The following MTA3 variants were observed in gnomAD, a reference collection of about 807,000 sequenced individuals.
MTA3 encodes metastasis associated 1 family member 3.
MTA3 carries 34 observed loss-of-function variants against 83.5 expected under a neutral mutation model. The ratio of observed to expected loss-of-function variants is 0.41; its 90% CI spans 0.31 to 0.54. The LOEUF is 0.54. Among genes scored for constraint, MTA3 ranks in the 20% least tolerant of loss-of-function variants. MTA3 has a pLI of 0.33. For missense variants in MTA3, 761 were observed against 726.4 expected (o/e 1.05, Z -0.55); for synonymous variants, 303 against 252.7 (o/e 1.20, Z -1.89).
intron 2 of MTA3, among the ~76,000 whole-genome samples, chr2:42,519,409 C>A (rs1376277785): frequency 1.3e-5 from 2 of 152,150 alleles, no homozygotes; most frequent in South Asian, 2.1e-4. Context: ...AGTTCAAGAC[C>A]AGCCTGGCCA....
intron 4 of MTA3, 69 bp downstream of exon 4, chr2:42,609,653 C>T (rs879744325): frequency 6.1e-6 from 9 of 1,486,416 alleles, no homozygotes; most frequent in East Asian, 2.3e-5. Context: ...TTCTTTGAAG[C>T]GTTTTCCAGA....
At position 42,695,970 on chromosome 2, in the gene MTA3, A is replaced by C. The variant is rs1010426032; in HGVS notation, c.966+131A>C. The stretch of plus-strand genomic sequence containing the variant: ...CTTTTTCCAGACTACTTTAAACTAC[A>C]TGATTTCATATCTTTAGGATATTAT... On this transcript the variant is annotated intron_variant, in intron 10 of 16. Transcript: ENST00000405094. 12 of 573,894 alleles carry C rather than the reference A, an allele frequency of 2.1e-5. No individual in the cohort carries two copies. The Admixed American group carries it at 4.2e-4, about 20-fold the overall frequency. The allele number at this position is 573,894 out of a possible 1,614,324, so 35.6% of individuals were successfully genotyped here. A position where few individuals can be genotyped will look rare whatever the true frequency, so the allele number is the denominator to read the frequency against.
At chr2:42,582,895 C>T (rs777131718) in intron 3 of MTA3, among the ~76,000 whole-genome samples, 3 of 152,072 alleles carry the variant, frequency 2.0e-5, no homozygotes, top group South Asian at 2.1e-4. Flanking sequence ...TTTTCCCCTA[C>T]TGCTTGCCAC....
chr2:42,577,441 T>C (rs957161791), intron 2 of MTA3, among the ~76,000 whole-genome samples: 5 of 151,704 alleles, frequency 3.3e-5, no homozygotes, highest in African/African-American at 1.2e-4. Flanking sequence ...AGGAACTCAC[T>C]AGTGAGGCAG....
At chr2:42,688,410 A>G (rs897528322) in intron 9 of MTA3, among the ~76,000 whole-genome samples, 8 of 152,164 alleles carry the variant, frequency 5.3e-5, no homozygotes, top group African/African-American at 1.7e-4. Flanking sequence ...TAAAAAAGCC[A>G]TTATAATAGG....
chr2:42,571,775 C>G (rs1678513068), intron 2 of MTA3, among the ~76,000 whole-genome samples: 1 of 151,212 alleles, frequency 6.6e-6, no homozygotes. Flanking sequence ...TGGAGAAACC[C>G]CATCTCTACT....
chr2:42,731,990 C>G (rs565112077), intron 16 of MTA3, among the ~76,000 whole-genome samples: 1 of 152,310 alleles, frequency 6.6e-6, no homozygotes, highest in South Asian at 2.1e-4. Context: ...TTTTAAAGCT[C>G]CAAAATGATC....
intron 2 of MTA3, among the ~76,000 whole-genome samples, chr2:42,524,457 C>T (rs1452736616): frequency 4.0e-5 from 6 of 148,828 alleles, no homozygotes; most frequent in South Asian, 2.2e-4. Context: ...CCCGCCACCA[C>T]GCCTGGCTAG....
At chr2:42,746,912 T>C (rs1244463727) in intron 16 of MTA3, among the ~76,000 whole-genome samples, 1 of 152,042 alleles carries the variant, frequency 6.6e-6, no homozygotes, top group East Asian at 1.9e-4. Context: ...TTAACAACCA[T>C]GTAGAAATGT....
intron 4 of MTA3, among the ~76,000 whole-genome samples, chr2:42,627,079 T>G (rs979019815): frequency 6.6e-6 from 1 of 152,178 alleles, no homozygotes; most frequent in African/African-American, 2.4e-5. Flanking sequence ...GTTTCTTTTT[T>G]CTTTTTTTTT....
chr2:42,648,642 G>A (rs1003355660), intron 6 of MTA3, among the ~76,000 whole-genome samples: 1 of 152,146 alleles, frequency 6.6e-6, no homozygotes, highest in African/African-American at 2.4e-5. Context: ...TCTGAAAAGA[G>A]TATGTAGTTT....
intron 14 of MTA3, among the ~76,000 whole-genome samples, chr2:42,711,012 G>A (rs571751246): frequency 6.6e-6 from 1 of 152,324 alleles, no homozygotes; most frequent in East Asian, 1.9e-4. Flanking sequence ...CTGGGAGGCA[G>A]AGGTTGCAGT....
chr2:42,697,864 G>GTT, intron 11 of MTA3, 30 bp downstream of exon 11: 1 of 1,435,474 alleles, frequency 7.0e-7, no homozygotes, highest in Non-Finnish European at 9.3e-7. Flanking sequence ...TAAAATATTT[G>GTT]TTTTGGTCTT....
At chr2:42,559,858 G>A (rs1335987469) in intron 2 of MTA3, among the ~76,000 whole-genome samples, 1 of 149,792 alleles carries the variant, frequency 6.7e-6, no homozygotes, top group Non-Finnish European at 1.5e-5. Context: ...AGATTGAGCC[G>A]CTGCACTCCA....
chr2:42,581,940 T>C (rs1679707204), intron 3 of MTA3: 1 of 158,552 alleles, frequency 6.3e-6, no homozygotes, highest in Non-Finnish European at 1.4e-5. Context: ...TAATTTTGTA[T>C]TTTTAGTAGA....
At chr2:42,656,380 C>A in intron 7 of MTA3, 78 bp downstream of exon 7, 1 of 838,556 alleles carries the variant, frequency 1.2e-6, no homozygotes, top group Non-Finnish European at 1.8e-6. Context: ...ATTTTTATTT[C>A]TTTGTATTCT....
rs146921280 is a variant in MTA3 at position 42,745,824 on chromosome 2, C to CTTTTTTTTTTT, written c.1760-7542_1760-7541insTTTTTTTTTTT. On this transcript the variant is annotated intron_variant, in intron 16 of 16. Transcript: ENST00000405094. ...TTTTATGTCCTTTTGAAATAGTCCT[C>CTTTTTTTTTTT]TTTTTTTTGAGACAGAGTCTCGCTC... 1.3e-4 allele frequency among the ~76,000 whole-genome samples: 15 copies of CTTTTTTTTTTT among 119,430 alleles called. 4 individuals carry two copies. In the South Asian group the frequency reaches 1.5e-3, roughly 12 times the overall value. 78.4% of individuals were successfully genotyped at this position (119,430 alleles called of 152,430 possible).
chr2:42,748,802 G>A (rs1669641143), intron 16 of MTA3, among the ~76,000 whole-genome samples: 1 of 152,156 alleles, frequency 6.6e-6, no homozygotes, highest in Non-Finnish European at 1.5e-5. Flanking sequence ...TAAAGACTCA[G>A]GATTCTGTTA....
At chr2:42,677,561 C>G (rs1005672173) in intron 8 of MTA3, among the ~76,000 whole-genome samples, 2 of 151,978 alleles carry the variant, frequency 1.3e-5, no homozygotes, top group African/African-American at 2.4e-5. Flanking sequence ...CAGGGGTGGT[C>G]TCAAACTCCT....
Sources: gnomAD v4.1 joint callset for allele counts (sites outside exome capture counted in the v4.1 genomes callset) on GRCh38, gnomAD v4.1.1 for gene constraint, MANE v1.5 for transcripts, NCBI Gene and HGNC (gene_info 2026-07-23, HGNC 2026-07-21) for gene names.